Variants in NRG3 observed in about 807,000 individuals in gnomAD.
NRG3 encodes pro-neuregulin-3, membrane-bound isoform.
Under a neutral mutation model 66.9 loss-of-function variants are expected in NRG3, and 31 were observed. That is an observed-to-expected ratio of 0.46 (90% CI 0.35 to 0.63). The LOEUF (loss-of-function observed/expected upper bound fraction) is 0.63, where lower values mean the gene tolerates loss of function less well. Ranked by LOEUF, NRG3 falls within the 20% of genes least tolerant of loss-of-function variation. NRG3 has a pLI of 0.00. For synonymous variants in NRG3, 393 were observed against 359.4 expected, an observed-to-expected ratio of 1.09 and a Z score of -1.06; for missense variants, 910 against 878.9, an observed-to-expected ratio of 1.04 and a Z score of -0.45.
At chr10:82,134,608 A>T (rs867833339) in intron 1 of NRG3, among the ~76,000 whole-genome samples, 1 of 151,590 alleles carries the variant, frequency 6.6e-6, no homozygotes. Context: ...GTTCTGTTCT[A>T]TTGGTCTGTG....
In NRG3 at chr10:82,537,151, C is replaced by T. The variant is rs17100177; in HGVS notation, c.953+178283C>T. ...AATTTAGTGATATGCAGAATCTAGA[C>T]GTGGTCTGTAAGCTACACTTGCAAT... On this transcript the variant is annotated intron_variant, in intron 2 of 8. Transcript: ENST00000372141. Among the ~76,000 whole-genome samples the T allele has an allele frequency of 4.3e-3, 651 of 151,948 alleles. 5 individuals are homozygous for T. Among genetic ancestry groups the T allele is most frequent in the African/African-American group, 0.015 (619 of 41,504 alleles).
At chr10:82,782,617 G>C (rs7083599) in intron 3 of NRG3, among the ~76,000 whole-genome samples, 3,026 of 152,160 alleles carry the variant, frequency 0.02, 106 homozygotes, top group African/African-American at 0.068. Flanking sequence ...CTACGGGCTA[G>C]AAGAATTTGA....
chr10:82,566,585 G>T (rs1216677144), intron 2 of NRG3, among the ~76,000 whole-genome samples: 1 of 151,768 alleles, frequency 6.6e-6, no homozygotes, highest in Non-Finnish European at 1.5e-5. Context: ...ATTACCCATT[G>T]GGACAGAAAG....
rs575273848 is a variant in NRG3 at position 82,498,396 on chromosome 10, TATGCAGA to T, written c.953+139530_953+139536del. 2.8e-3 allele frequency among the ~76,000 whole-genome samples: 428 copies of T among 152,222 alleles called. 3 individuals are homozygous for T. Among genetic ancestry groups the T allele is most frequent in the African/African-American group, 9.6e-3 (397 of 41,542 alleles). ...TATATGAACTCGCAGGAAGCAGAAG[TATGCAGA>T]AGTTAGAAGAGGCACCTTGAGCTCA... is the stretch of plus-strand genomic sequence containing the variant. On this transcript the variant is annotated intron_variant, in intron 2 of 8. Coordinates refer to ENST00000372141, the MANE Select transcript of NRG3 (RefSeq NM_001010848.4).
chr10:82,813,211 C>CTTTTTTT (rs58875697), intron 3 of NRG3, among the ~76,000 whole-genome samples: 2 of 112,140 alleles, frequency 1.8e-5, no homozygotes, highest in Non-Finnish European at 1.7e-5. Context: ...CTCTGTTTCT[C>CTTTTTTT]TTTTTTTTTT....
At chr10:82,130,049 A>G (rs988064508) in intron 1 of NRG3, among the ~76,000 whole-genome samples, 1 of 151,694 alleles carries the variant, frequency 6.6e-6, no homozygotes, top group African/African-American at 2.4e-5. Flanking sequence ...CTCTATCTCC[A>G]TGCATGCAAT....
intron 1 of NRG3, among the ~76,000 whole-genome samples, chr10:82,162,495 C>T (rs1262228820): frequency 6.6e-6 from 1 of 152,128 alleles, no homozygotes; most frequent in Non-Finnish European, 1.5e-5. Flanking sequence ...TGACTTTTAA[C>T]ATTGTCATCA....
intron 1 of NRG3, among the ~76,000 whole-genome samples, chr10:82,212,725 T>A (rs1257600986): frequency 6.6e-6 from 1 of 152,238 alleles, no homozygotes; most frequent in Non-Finnish European, 1.5e-5. Flanking sequence ...CAACTTTTTA[T>A]GTGATAATAT....
chr10:81,945,952 GGC>G (rs1848807606), intron 1 of NRG3, among the ~76,000 whole-genome samples: 1 of 152,096 alleles, frequency 6.6e-6, no homozygotes, highest in South Asian at 2.1e-4. Context: ...CTAGGAGAGA[GGC>G]ATGGACAGAT....
At chr10:82,447,448 A>T (rs550111363) in intron 2 of NRG3, among the ~76,000 whole-genome samples, 8 of 152,324 alleles carry the variant, frequency 5.3e-5, no homozygotes, top group Admixed American at 5.2e-4. Flanking sequence ...AAAAAAAATT[A>T]TCATTGAAAG....
chr10:82,069,740 TGATA>T (rs1244496907), intron 1 of NRG3, among the ~76,000 whole-genome samples: 10 of 152,256 alleles, frequency 6.6e-5, no homozygotes, highest in East Asian at 1.9e-4. Flanking sequence ...CATCTAATAG[TGATA>T]GATAGAGAAG....
intron 3 of NRG3, among the ~76,000 whole-genome samples, chr10:82,853,907 C>T (rs1266458799): frequency 6.6e-5 from 10 of 152,088 alleles, no homozygotes; most frequent in Admixed American, 6.6e-4. Context: ...CAACTTTTCC[C>T]CATTCAGTAT....
chr10:82,495,509 C>G lies in NRG3; in HGVS notation c.953+136641C>G, dbSNP rs77522073. Among the ~76,000 whole-genome samples the G allele has an allele frequency of 3.5e-3, 532 of 152,112 alleles. 1 individual carries two copies. The highest frequency in any genetic ancestry group is 0.01 in the Middle Eastern group (3 of 294). On this transcript the variant is annotated intron_variant, in intron 2 of 8. Transcript: ENST00000372141. ...ATTTACCCAACTAGGTCTCACATCT[C>G]AGAATCAGATGTAATAGATTTTTGT...
intron 3 of NRG3, among the ~76,000 whole-genome samples, chr10:82,741,304 A>AG (rs1033489446): frequency 6.6e-6 from 1 of 152,074 alleles, no homozygotes; most frequent in African/African-American, 2.4e-5. Context: ...CAGATTAGTG[A>AG]GGGGGAAAAA....
At chr10:82,003,200 A>G (rs1011434965) in intron 1 of NRG3, among the ~76,000 whole-genome samples, 1 of 152,160 alleles carries the variant, frequency 6.6e-6, no homozygotes, top group African/African-American at 2.4e-5. Context: ...TTAGTTAGGA[A>G]CACTGGGAGA....
chr10:82,026,259 C>T (rs1053521631), intron 1 of NRG3, among the ~76,000 whole-genome samples: 2 of 151,950 alleles, frequency 1.3e-5, no homozygotes, highest in South Asian at 4.1e-4. Context: ...TGCAAAATCA[C>T]CTGCCTTGAG....
At chr10:82,325,789 C>G (rs916385637) in intron 1 of NRG3, among the ~76,000 whole-genome samples, 1 of 152,174 alleles carries the variant, frequency 6.6e-6, no homozygotes, top group Non-Finnish European at 1.5e-5. Flanking sequence ...GCATAGTACA[C>G]TTCACTTCTC....
At chr10:82,885,528 G>A (rs918613137) in intron 4 of NRG3, among the ~76,000 whole-genome samples, 3 of 152,176 alleles carry the variant, frequency 2.0e-5, no homozygotes, top group Admixed American at 1.3e-4. Context: ...AGTTTGTAAA[G>A]CTTCTGGTTA....
intron 2 of NRG3, among the ~76,000 whole-genome samples, chr10:82,731,461 C>G (rs1259966418): frequency 6.6e-6 from 1 of 151,748 alleles, no homozygotes; most frequent in East Asian, 1.9e-4. Flanking sequence ...CACCATTCTA[C>G]TCTCTGCTTC....
Sources: allele counts gnomAD v4.1 joint callset (sites outside exome capture counted in the v4.1 genomes callset), GRCh38; gene constraint gnomAD v4.1.1; transcripts MANE v1.5; gene names NCBI Gene and HGNC (gene_info 2026-07-23, HGNC 2026-07-21).